Variants in RAD51B observed in about 807,000 individuals in gnomAD.
RAD51B encodes DNA repair protein RAD51 homolog 2.
RAD51B carries 38 observed loss-of-function variants against 42.2 expected under a neutral mutation model. That is an observed-to-expected ratio of 0.90 (90% CI 0.70 to 1.18). RAD51B has a LOEUF of 1.18. RAD51B is among the 50% of genes most tolerant of loss of function. The pLI is 0.00. For synonymous variants in RAD51B, 154 were observed against 145.2 expected (o/e 1.06, Z -0.43); for missense variants, 373 against 400.7 (o/e 0.93, Z 0.59).
intron 7 of RAD51B, among the ~76,000 whole-genome samples, chr14:68,116,590 A>G (rs2140610459): frequency 6.6e-6 from 1 of 152,298 alleles, no homozygotes; most frequent in East Asian, 1.9e-4. Context: ...GACAGTCATG[A>G]CATTATATTG....
At position 68,291,925 on chromosome 14, in the gene RAD51B, C is replaced by T. The variant is rs1186702130; in HGVS notation, c.798C>T (p.Ala266=). The T allele has an allele frequency of 6.2e-7, 1 of 1,613,946 alleles. No homozygotes were observed. Among genetic ancestry groups the T allele is most frequent in the South Asian group, 1.1e-5 (1 of 91,068 alleles). The change falls in exon 8 of 11, where the codon GCC becomes GCT. Residue 266 remains alanine (A), a synonymous_variant. Coordinates refer to ENST00000471583, the MANE Select transcript of RAD51B (RefSeq NM_133510.4). The part of the protein sequence containing the change: ...TNQITTHLSG[A]LASQADLVSP... Reference sequence around the variant, plus strand: ...AGATTACAACCCATCTGAGTGGAGCCCTGGCTTCTCAGGCAGACCTGGTGT... The same window carrying T: ...AGATTACAACCCATCTGAGTGGAGCTCTGGCTTCTCAGGCAGACCTGGTGT...
At chr14:68,498,555 G>C (rs554431263) in intron 10 of RAD51B, among the ~76,000 whole-genome samples, 30 of 152,274 alleles carry the variant, frequency 2.0e-4, no homozygotes, top group African/African-American at 7.0e-4. Context: ...GATTTGTGCA[G>C]ACTGAACTCT....
intron 10 of RAD51B, among the ~76,000 whole-genome samples, chr14:68,570,811 C>G (rs530458604): frequency 6.6e-6 from 1 of 151,946 alleles, no homozygotes; most frequent in African/African-American, 2.4e-5. Context: ...ACACTGTGAT[C>G]AATAACCTAA....
chr14:68,259,206 A>G (rs150971427), intron 7 of RAD51B, among the ~76,000 whole-genome samples: 19 of 152,088 alleles, frequency 1.2e-4, no homozygotes, highest in African/African-American at 4.1e-4. Context: ...AACGAAATGC[A>G]AAGCAAGGGA....
At chr14:68,190,673 C>T (rs981665816) in intron 7 of RAD51B, among the ~76,000 whole-genome samples, 1 of 152,100 alleles carries the variant, frequency 6.6e-6, no homozygotes, top group Non-Finnish European at 1.5e-5. Flanking sequence ...ACTCTATATT[C>T]TGGAGACATC....
chr14:68,539,760 G>A (rs1887853912), intron 10 of RAD51B, among the ~76,000 whole-genome samples: 2 of 152,224 alleles, frequency 1.3e-5, no homozygotes, highest in Admixed American at 6.5e-5. Flanking sequence ...GCCGCTGTCA[G>A]CTGGCTCAAT....
intron 10 of RAD51B, among the ~76,000 whole-genome samples, chr14:68,603,843 C>T (rs1891325081): frequency 6.6e-6 from 1 of 152,240 alleles, no homozygotes. Flanking sequence ...CCCCTGTCCG[C>T]ATGCTGTCAG....
chr14:68,561,283 G>C (rs893580552), intron 10 of RAD51B, among the ~76,000 whole-genome samples: 1 of 152,150 alleles, frequency 6.6e-6, no homozygotes, highest in Admixed American at 6.5e-5. Flanking sequence ...TCATTTAGGG[G>C]GCTTATTAAA....
chr14:68,311,636 C>T (rs1247835551), intron 8 of RAD51B, among the ~76,000 whole-genome samples: 1 of 152,184 alleles, frequency 6.6e-6, no homozygotes, highest in Non-Finnish European at 1.5e-5. Context: ...AGCCTGTAAT[C>T]CCAGCACTTT....
chr14:68,207,037 G>A (rs1288564596), intron 7 of RAD51B, among the ~76,000 whole-genome samples: 3 of 151,956 alleles, frequency 2.0e-5, no homozygotes, highest in Admixed American at 6.6e-5. Flanking sequence ...TGATCCGCCC[G>A]CCTTGGCCTC....
At chr14:68,467,877 T>A (rs2140232266) in intron 9 of RAD51B, among the ~76,000 whole-genome samples, 2 of 152,342 alleles carry the variant, frequency 1.3e-5, no homozygotes, top group African/African-American at 4.8e-5. Flanking sequence ...GGCAGAAAGG[T>A]AGCTATTTAA....
At chr14:68,108,437 T>C (rs751585621) in intron 7 of RAD51B, among the ~76,000 whole-genome samples, 7 of 151,992 alleles carry the variant, frequency 4.6e-5, no homozygotes, top group Non-Finnish European at 1.0e-4. Context: ...TATTTAGTAA[T>C]GAAAGGAATA....
At chr14:68,521,134 G>A (rs1326699584) in intron 10 of RAD51B, among the ~76,000 whole-genome samples, 1 of 152,214 alleles carries the variant, frequency 6.6e-6, no homozygotes, top group African/African-American at 2.4e-5. Flanking sequence ...AATGTCTGAG[G>A]AGAGGCAACA....
chr14:67,985,709 C>T (rs898278699), intron 7 of RAD51B, among the ~76,000 whole-genome samples: 1 of 151,312 alleles, frequency 6.6e-6, no homozygotes, highest in Non-Finnish European at 1.5e-5. Context: ...CCAGACCAGC[C>T]TGTGCAACAT....
At chr14:68,204,039 G>A (rs922095139) in intron 7 of RAD51B, among the ~76,000 whole-genome samples, 3 of 152,190 alleles carry the variant, frequency 2.0e-5, no homozygotes, top group African/African-American at 7.2e-5. Flanking sequence ...TCATTCATGT[G>A]TTCATTGGAG....
chr14:68,032,458 A>G (rs767597124), intron 7 of RAD51B, among the ~76,000 whole-genome samples: 3 of 152,088 alleles, frequency 2.0e-5, no homozygotes, highest in Non-Finnish European at 4.4e-5. Context: ...TTCTCTCCAA[A>G]TTTGCTCTGC....
intron 7 of RAD51B, among the ~76,000 whole-genome samples, chr14:68,286,603 A>C (rs567996557): frequency 7.2e-5 from 11 of 152,316 alleles, no homozygotes; most frequent in Non-Finnish European, 1.5e-4. Flanking sequence ...TGTACATTCT[A>C]GTACTCATGG....
chr14:68,339,137 C>T (rs1454349728), intron 8 of RAD51B: 1 of 709,196 alleles, frequency 1.4e-6, no homozygotes, highest in East Asian at 2.6e-5. Flanking sequence ...CAGGTGGTCT[C>T]TTAGTGGGGA....
chr14:68,298,404 G>T (rs1318122616), intron 8 of RAD51B, among the ~76,000 whole-genome samples: 2 of 152,202 alleles, frequency 1.3e-5, no homozygotes, highest in Non-Finnish European at 2.9e-5. Context: ...GCTGGTGCTA[G>T]TTTGTCAAAA....
Sources: gnomAD v4.1 joint callset for allele counts (sites outside exome capture counted in the v4.1 genomes callset) on GRCh38, gnomAD v4.1.1 for gene constraint, MANE v1.5 for transcripts, NCBI Gene and HGNC (gene_info 2026-07-23, HGNC 2026-07-21) for gene names.